The following KIFAP3 variants were observed in gnomAD, a reference collection of about 807,000 sequenced individuals.
KIFAP3 encodes the protein kinesin-associated protein 3.
Under a neutral mutation model 106.5 loss-of-function variants are expected in KIFAP3, and 68 were observed. The observed-to-expected ratio is 0.64, with a 90% CI of 0.53 to 0.78. The LOEUF (loss-of-function observed/expected upper bound fraction) is 0.78, where lower values mean the gene tolerates loss of function less well. Among genes scored for constraint, KIFAP3 ranks in the 30% least tolerant of loss-of-function variants. The pLI, the probability that KIFAP3 is intolerant of heterozygous loss-of-function variation, is 0.00. For missense variants in KIFAP3, 780 were observed against 941.8 expected (o/e 0.83, Z 2.25); for synonymous variants, 320 against 311.5 (o/e 1.03, Z -0.29).
intron 15 of KIFAP3, among the ~76,000 whole-genome samples, chr1:169,978,938 C>A (rs751580975): frequency 2.6e-5 from 4 of 152,092 alleles, no homozygotes; most frequent in Non-Finnish European, 5.9e-5. Flanking sequence ...CTCTCCCAAA[C>A]AAATTGGGCT....
chr1:170,032,007 T>C (rs745603973), intron 7 of KIFAP3, 23 bp from the exon 8 acceptor site: 4 of 1,427,946 alleles, frequency 2.8e-6, no homozygotes, highest in South Asian at 2.4e-5. Flanking sequence ...TTAAGGATCA[T>C]CCATACTCAT....
intron 1 of KIFAP3, among the ~76,000 whole-genome samples, chr1:170,066,233 T>C (rs1021172068): frequency 6.7e-6 from 1 of 149,138 alleles, no homozygotes; most frequent in Non-Finnish European, 1.5e-5. Flanking sequence ...ACATACCTTA[T>C]AAACTCACAC....
chr1:169,969,882 T>C (rs948588449), intron 17 of KIFAP3, among the ~76,000 whole-genome samples: 4 of 152,066 alleles, frequency 2.6e-5, no homozygotes, highest in African/African-American at 9.7e-5. Flanking sequence ...GAACTTTGTA[T>C]TGTTGAGTTT....
chr1:170,003,315 C>G (rs1667761990), intron 10 of KIFAP3, among the ~76,000 whole-genome samples: 1 of 152,170 alleles, frequency 6.6e-6, no homozygotes, highest in Admixed American at 6.5e-5. Flanking sequence ...TAGAAGATTC[C>G]TGCCCTGAAT....
At chr1:169,955,991 T>C (rs1479393617) in intron 18 of KIFAP3, among the ~76,000 whole-genome samples, 1 of 152,146 alleles carries the variant, frequency 6.6e-6, no homozygotes, top group East Asian at 1.9e-4. Flanking sequence ...TGTGATTTTA[T>C]ATATAGTAAA....
intron 1 of KIFAP3, among the ~76,000 whole-genome samples, chr1:170,066,553 A>C (rs1671455311): frequency 6.6e-6 from 1 of 152,152 alleles, no homozygotes; most frequent in South Asian, 2.1e-4. Flanking sequence ...AAGATCCAGG[A>C]GAAAAAGAAA....
intron 16 of KIFAP3, among the ~76,000 whole-genome samples, chr1:169,973,105 G>GTATA (rs1553278126): frequency 2.2e-5 from 2 of 90,314 alleles, no homozygotes. Flanking sequence ...AAAATAGTGT[G>GTATA]TATATATATA....
intron 17 of KIFAP3, among the ~76,000 whole-genome samples, chr1:169,968,541 A>G (rs549962134): frequency 1.7e-4 from 26 of 152,080 alleles, no homozygotes; most frequent in African/African-American, 6.3e-4. Flanking sequence ...AGTCTGGATT[A>G]ATTTAGTTGC....
At chr1:169,944,262 G>A (rs1052120103) in intron 19 of KIFAP3, among the ~76,000 whole-genome samples, 58 of 152,210 alleles carry the variant, frequency 3.8e-4, no homozygotes, top group Non-Finnish European at 1.2e-4. Flanking sequence ...CTATGGCAGG[G>A]TGGTTAGCTC....
intron 19 of KIFAP3, among the ~76,000 whole-genome samples, chr1:169,935,043 T>TA (rs1056348120): frequency 6.6e-6 from 1 of 152,136 alleles, no homozygotes; most frequent in African/African-American, 2.4e-5. Context: ...GAATGCTTTT[T>TA]AAAAATACTT....
chr1:169,938,855 C>T (rs1230916255), intron 19 of KIFAP3, among the ~76,000 whole-genome samples: 1 of 152,072 alleles, frequency 6.6e-6, no homozygotes, highest in Non-Finnish European at 1.5e-5. Context: ...AAAGACTATT[C>T]CAGTTAAGCA....
At chr1:170,002,787 A>G (rs1218944861) in intron 10 of KIFAP3, among the ~76,000 whole-genome samples, 1 of 152,188 alleles carries the variant, frequency 6.6e-6, no homozygotes, top group Non-Finnish European at 1.5e-5. Flanking sequence ...ACACCAGATG[A>G]ATATTCACTT....
chr1:170,056,291 C>G (rs951950243), intron 1 of KIFAP3, among the ~76,000 whole-genome samples: 1 of 152,072 alleles, frequency 6.6e-6, no homozygotes, highest in Non-Finnish European at 1.5e-5. Flanking sequence ...AAAGCATTTA[C>G]AGGTTAGGTA....
intron 15 of KIFAP3, among the ~76,000 whole-genome samples, chr1:169,979,587 G>A (rs6685386): frequency 6.6e-6 from 1 of 152,072 alleles, no homozygotes; most frequent in African/African-American, 2.4e-5. Context: ...AAATCACAAT[G>A]AAATACCAGT....
At chr1:170,010,543 C>A (rs1191937674) in intron 10 of KIFAP3, among the ~76,000 whole-genome samples, 1 of 151,940 alleles carries the variant, frequency 6.6e-6, no homozygotes, top group Non-Finnish European at 1.5e-5. Context: ...ATTCAAATCA[C>A]AGAACCTTAA....
chr1:169,932,557 A>G (rs1468784774), intron 19 of KIFAP3, among the ~76,000 whole-genome samples: 1 of 152,114 alleles, frequency 6.6e-6, no homozygotes, highest in African/African-American at 2.4e-5. Context: ...ATCTTTCTTT[A>G]TAAAACAGAC....
At position 169,992,236 on chromosome 1, in the gene KIFAP3, T is replaced by C. The variant is rs762289425; in HGVS notation, c.1203A>G (p.Gln401=). Residue 401 remains glutamine, a synonymous_variant, in exon 11 of 20, where the codon CAA becomes CAG. Transcript: ENST00000361580. ...TALLGNDNYK[Q]IAMCVLYHIS... is the part of the protein sequence containing the mutation. ...TGTGGTAAAGAACACACATTGCTAT[T>C]TGTTTGTAGTTGTCATTGCCTAGGA... 1 of 1,570,380 alleles carries C rather than the reference T, an allele frequency of 6.4e-7. No homozygotes were observed. Among genetic ancestry groups the C allele is most frequent in the Non-Finnish European group, 8.6e-7 (1 of 1,160,046 alleles).
intron 10 of KIFAP3, among the ~76,000 whole-genome samples, chr1:170,000,470 G>A (rs918499994): frequency 1.3e-5 from 2 of 151,994 alleles, no homozygotes; most frequent in Non-Finnish European, 1.5e-5. Flanking sequence ...CATTTATTAC[G>A]GAGTGAGAGC....
Position 169,982,757 on chromosome 1 carries a change from T to C in KIFAP3, c.1617A>G (p.Glu539=). 1 of 1,610,412 alleles carries C rather than the reference T, an allele frequency of 6.2e-7. No individual in the cohort carries two copies. The highest frequency in any genetic ancestry group is 8.5e-7 in the Non-Finnish European group (1 of 1,177,656). The change falls in exon 14 of 20, where the codon GAA becomes GAG. Residue 539 remains glutamate, a synonymous_variant. Transcript: ENST00000361580. ...CCAACTTATATTCTTTAAGAACCAA[T>C]TCCCAGTCTAAGTCTGGAATGGTCA... ...ANLTIPDLDW[E]LVLKEYKLVP...
Sources: allele counts gnomAD v4.1 joint callset (sites outside exome capture counted in the v4.1 genomes callset), GRCh38; gene constraint gnomAD v4.1.1; transcripts MANE v1.5; gene names NCBI Gene and HGNC (gene_info 2026-07-23, HGNC 2026-07-21).